The following RAPGEF2 variants were observed in gnomAD, a reference collection of about 807,000 sequenced individuals.
RAPGEF2 encodes Rap guanine nucleotide exchange factor 2.
Under a neutral mutation model 186.7 loss-of-function variants are expected in RAPGEF2, and 54 were observed. The ratio of observed to expected loss-of-function variants is 0.29; its 90% CI spans 0.23 to 0.36. The LOEUF (loss-of-function observed/expected upper bound fraction) is 0.36. Ranked by LOEUF, RAPGEF2 falls within the 10% of genes least tolerant of loss-of-function variation. The pLI is 1.00. For missense variants in RAPGEF2, 1,532 were observed against 2,045.0 expected, an observed-to-expected ratio of 0.75 and a Z score of 4.84; for synonymous variants, 712 against 705.9, an observed-to-expected ratio of 1.01 and a Z score of -0.14.
At chr4:159,290,534 C>T (rs1292559340) in intron 7 of RAPGEF2, among the ~76,000 whole-genome samples, 2 of 152,092 alleles carry the variant, frequency 1.3e-5, no homozygotes, top group African/African-American at 4.8e-5. Context: ...CAGCTTAATA[C>T]AGCAATAGAA....
rs182808604 is a variant in RAPGEF2, at chr4:159,264,256, G to A, written c.543+20465G>A. Among the ~76,000 whole-genome samples the A allele has an allele frequency of 2.2e-4, 34 of 152,260 alleles. No individual in the cohort carries two copies. The East Asian group carries it at 5.2e-3, about 23-fold the overall frequency. On this transcript the variant is annotated intron_variant, in intron 7 of 29. Transcript: ENST00000691494. ...TTTAAGATGTGTAGGTTGTAGGCAT[G>A]GAGCCAGGCTGAGAGAGAGATCATG...
At chr4:159,179,336 ACT>A (rs921009521) in intron 1 of RAPGEF2, among the ~76,000 whole-genome samples, 5 of 73,508 alleles carry the variant, frequency 6.8e-5, no homozygotes, top group African/African-American at 2.0e-4. Context: ...AAATTGAGAC[ACT>A]CTAGGTAATT....
intron 11 of RAPGEF2, among the ~76,000 whole-genome samples, chr4:159,324,216 C>T (rs543372587): frequency 5.3e-5 from 8 of 150,838 alleles, no homozygotes; most frequent in South Asian, 4.2e-4. Context: ...TTAGTAGAGA[C>T]GGGGTCTTGC....
At chr4:159,259,685 C>A (rs771819729) in intron 7 of RAPGEF2, among the ~76,000 whole-genome samples, 1 of 152,042 alleles carries the variant, frequency 6.6e-6, no homozygotes, top group East Asian at 1.9e-4. Flanking sequence ...CACTTACTTA[C>A]AGTTGTCTAA....
chr4:159,131,519 A>ATTGGTTTTTTTTTTTTT lies in RAPGEF2; in HGVS notation c.69+27290_69+27291insGGTTTTTTTTTTTTTTT. On this transcript the variant is annotated intron_variant, in intron 1 of 29. Transcript: ENST00000691494. ...TGATATCTTTGTCTGATTAATTGCT[A>ATTGGTTTTTTTTTTTTT]TTTTTTTTTTTTTTTTTTTTTTTTT... 1.3e-4 allele frequency among the ~76,000 whole-genome samples: 5 copies of ATTGGTTTTTTTTTTTTT among 37,210 alleles called. 1 individual carries two copies. The highest frequency in any genetic ancestry group is 2.4e-4 in the African/African-American group (2 of 8,302). The allele number at this position is 37,210 out of a possible 152,430, so 24.4% of individuals were successfully genotyped here. A position where few individuals can be genotyped will look rare whatever the true frequency, so the allele number is the denominator to read the frequency against.
intron 4 of RAPGEF2, among the ~76,000 whole-genome samples, chr4:159,237,950 C>A (rs555257208): frequency 1.0e-4 from 15 of 146,086 alleles, no homozygotes; most frequent in Non-Finnish European, 1.8e-4. Flanking sequence ...TTCAGGAGTT[C>A]AAGGCTGCAG....
chr4:159,335,428 G>T (rs1048748840), intron 17 of RAPGEF2, among the ~76,000 whole-genome samples: 3 of 152,198 alleles, frequency 2.0e-5, no homozygotes, highest in African/African-American at 4.8e-5. Flanking sequence ...TTAGGTCTTG[G>T]ATATAAAATA....
intron 7 of RAPGEF2, among the ~76,000 whole-genome samples, chr4:159,247,640 A>G (rs1754793065): frequency 6.6e-6 from 1 of 152,004 alleles, no homozygotes; most frequent in African/African-American, 2.4e-5. Context: ...GGACCACAAG[A>G]CCTGGTTAAG....
intron 7 of RAPGEF2, among the ~76,000 whole-genome samples, chr4:159,300,695 C>T (rs1428223151): frequency 1.3e-5 from 2 of 152,134 alleles, no homozygotes; most frequent in African/African-American, 4.8e-5. Flanking sequence ...AATTCACAAC[C>T]TCAATTTAAT....
chr4:159,211,205 G>T (rs1305876969), intron 4 of RAPGEF2, among the ~76,000 whole-genome samples: 1 of 152,028 alleles, frequency 6.6e-6, no homozygotes, highest in Non-Finnish European at 1.5e-5. Context: ...GATTCCTCAG[G>T]ATACAATCTG....
intron 11 of RAPGEF2, among the ~76,000 whole-genome samples, chr4:159,325,303 G>A (rs1765773076): frequency 6.6e-6 from 1 of 152,036 alleles, no homozygotes; most frequent in African/African-American, 2.4e-5. Context: ...TATAAGAGAG[G>A]AAAACAAAAT....
chr4:159,244,695 G>C (rs903088466), intron 7 of RAPGEF2, among the ~76,000 whole-genome samples: 1 of 151,878 alleles, frequency 6.6e-6, no homozygotes, highest in Non-Finnish European at 1.5e-5. Context: ...ATCTATCATT[G>C]ATATATCTTT....
intron 1 of RAPGEF2, among the ~76,000 whole-genome samples, chr4:159,126,035 CA>C (rs1207702676): frequency 6.6e-6 from 1 of 152,138 alleles, no homozygotes; most frequent in Non-Finnish European, 1.5e-5. Context: ...CAGCACTTCC[CA>C]ATAGCAATGT....
At chr4:159,186,206 G>T (rs1444181237) in intron 1 of RAPGEF2, among the ~76,000 whole-genome samples, 2 of 151,484 alleles carry the variant, frequency 1.3e-5, no homozygotes, top group East Asian at 3.9e-4. Flanking sequence ...GGTAAGAATT[G>T]AAAAAAATTG....
chr4:159,330,263 A>ATGTGTGTGTGTGTGTGTGTGTGTG (rs1278340762), intron 12 of RAPGEF2, 71 bp from the exon 13 acceptor site: 3 of 410,498 alleles, frequency 7.3e-6, no homozygotes, highest in Admixed American at 5.8e-5. Context: ...GTGTATATGT[A>ATGTGTGTGTGTGTGTGTGTGTGTG]TATGTGTGTG....
chr4:159,259,169 T>A (rs1347143574), intron 7 of RAPGEF2, among the ~76,000 whole-genome samples: 1 of 152,326 alleles, frequency 6.6e-6, no homozygotes, highest in East Asian at 1.9e-4. Context: ...TCTTTCCCAT[T>A]CCCAATCTAT....
Position 159,331,662 on chromosome 4 carries a change from C to T in RAPGEF2, c.1608C>T (p.Ile536=), listed in dbSNP as rs9999415. The change falls in exon 15 of 30, where the codon ATC becomes ATT. Residue 536 remains isoleucine, a synonymous_variant. Coordinates refer to ENST00000691494, the MANE Select transcript of RAPGEF2 (RefSeq NM_001394067.2). The stretch of plus-strand genomic sequence containing the variant: ...GTGGACACCTAAGGCTGTTGAATAT[C>T]GCGTGTGCTGCTAAAGCAAAAAGAA... The part of the protein sequence containing the change: ...KMGGHLRLLN[I]ACAAKAKRRL... The T allele has an allele frequency of 1.5e-3, 2,350 of 1,614,052 alleles. 23 individuals carry two copies. The African/African-American group carries it at 0.026, about 18-fold the overall frequency.
chr4:159,146,979 G>C (rs1743020438), intron 1 of RAPGEF2, among the ~76,000 whole-genome samples: 1 of 152,160 alleles, frequency 6.6e-6, no homozygotes, highest in Non-Finnish European at 1.5e-5. Context: ...ATTTTTTGTA[G>C]AGATGGATTG....
At chr4:159,266,091 G>A (rs1380592944) in intron 7 of RAPGEF2, among the ~76,000 whole-genome samples, 2 of 152,066 alleles carry the variant, frequency 1.3e-5, no homozygotes, top group Admixed American at 6.6e-5. Flanking sequence ...AGATAGGAGA[G>A]ACCTGCACAT....
Sources: allele counts gnomAD v4.1 joint callset (sites outside exome capture counted in the v4.1 genomes callset), GRCh38; gene constraint gnomAD v4.1.1; transcripts MANE v1.5; gene names NCBI Gene and HGNC (gene_info 2026-07-23, HGNC 2026-07-21).